The following CDH7 variants were observed in gnomAD, a reference collection of about 807,000 sequenced individuals.
The protein encoded by CDH7 is cadherin 7.
In CDH7, 25 loss-of-function variants were observed where a neutral mutation model predicts 71.8. The ratio of observed to expected loss-of-function variants is 0.35; its 90% CI spans 0.25 to 0.49. The LOEUF is 0.49. CDH7 is among the 20% of genes least tolerant of loss of function. CDH7 has a pLI of 0.99. For synonymous variants in CDH7, 381 were observed against 363.8 expected (o/e 1.05, Z -0.54); for missense variants, 862 against 974.6 (o/e 0.88, Z 1.54).
chr18:65,833,054 C>A (rs1372418212), intron 6 of CDH7, among the ~76,000 whole-genome samples: 1 of 152,176 alleles, frequency 6.6e-6, no homozygotes, highest in East Asian at 1.9e-4. Flanking sequence ...CTTTTAAAGG[C>A]TAATTTTGCT....
intron 6 of CDH7, among the ~76,000 whole-genome samples, chr18:65,828,511 G>C (rs1398816057): frequency 6.6e-6 from 1 of 152,022 alleles, no homozygotes; most frequent in Admixed American, 6.6e-5. Context: ...AGAAAAAATT[G>C]GTATGTATTA....
intron 6 of CDH7, among the ~76,000 whole-genome samples, chr18:65,842,837 A>G (rs1381985501): frequency 8.5e-6 from 1 of 117,032 alleles, no homozygotes; most frequent in East Asian, 2.6e-4. Flanking sequence ...TATATTTTTC[A>G]GTATTCCTGT....
intron 1 of CDH7, among the ~76,000 whole-genome samples, chr18:65,752,091 G>A (rs571851407): frequency 1.4e-4 from 22 of 152,198 alleles, no homozygotes; most frequent in Admixed American, 7.9e-4. Flanking sequence ...CTTTTGCTTT[G>A]CAATAAATAT....
intron 2 of CDH7, among the ~76,000 whole-genome samples, chr18:65,777,131 A>G (rs8093483): frequency 0.034 from 5,156 of 152,196 alleles, 289 homozygotes; most frequent in African/African-American, 0.12. Flanking sequence ...AAGATCAGAG[A>G]TGATTTTTCT....
chr18:65,759,526 ACAGG>A (rs1485057604), intron 1 of CDH7, among the ~76,000 whole-genome samples: 1 of 151,948 alleles, frequency 6.6e-6, no homozygotes, highest in Non-Finnish European at 1.5e-5. Context: ...TGCTGGGATT[ACAGG>A]CATGAGCCAC....
intron 2 of CDH7, among the ~76,000 whole-genome samples, chr18:65,776,361 AACACACACACAC>A (rs66695422): frequency 7.9e-5 from 11 of 139,726 alleles, no homozygotes; most frequent in South Asian, 2.4e-4. Flanking sequence ...GAAAGTACAG[AACACACACACAC>A]ACACACACAC....
At chr18:65,785,757 T>C (rs1320252133) in intron 2 of CDH7, among the ~76,000 whole-genome samples, 4 of 152,122 alleles carry the variant, frequency 2.6e-5, no homozygotes, top group Non-Finnish European at 4.4e-5. Context: ...TATTGCCAAA[T>C]AAAAAGCATG....
At chr18:65,820,484 G>A (rs2143932977) in intron 4 of CDH7, among the ~76,000 whole-genome samples, 1 of 152,206 alleles carries the variant, frequency 6.6e-6, no homozygotes. Context: ...GTATGAGAAT[G>A]CTTTTCCAAA....
At chr18:65,863,222 G>A in intron 11 of CDH7, 2 of 361,148 alleles carry the variant, frequency 5.5e-6, no homozygotes, top group Non-Finnish European at 1.0e-5. Flanking sequence ...ATCTTTAGTA[G>A]AGACTGAGTT....
chr18:65,847,250 T>C (rs754093837), intron 7 of CDH7, among the ~76,000 whole-genome samples: 2 of 152,174 alleles, frequency 1.3e-5, no homozygotes, highest in Non-Finnish European at 2.9e-5. Context: ...TTAACAATTG[T>C]GACCTTTGTG....
rs1046258537 is a variant in CDH7 at position 65,785,604 on chromosome 18, GA to G, written c.210+22561del. ...AACCTCTAAAATCTTTGAAAAAAAA[GA>G]AAAAAAAACTAAGTGACAAAACAAT... is the stretch of plus-strand genomic sequence containing the variant. On this transcript the variant is annotated intron_variant, in intron 2 of 11. Transcript: ENST00000397968. Among the ~76,000 whole-genome samples, 15 of 149,412 alleles carry G rather than the reference GA, an allele frequency of 1.0e-4. No individual in the cohort carries two copies. The South Asian group carries it at 2.1e-3, about 21-fold the overall frequency.
chr18:65,758,490 T>G (rs1033630286), intron 1 of CDH7, among the ~76,000 whole-genome samples: 5 of 152,192 alleles, frequency 3.3e-5, no homozygotes, highest in African/African-American at 1.2e-4. Context: ...CATCCTCACT[T>G]CAGATCACAA....
At chr18:65,794,348 A>G (rs1409957987) in intron 2 of CDH7, among the ~76,000 whole-genome samples, 6 of 152,120 alleles carry the variant, frequency 3.9e-5, no homozygotes, top group Non-Finnish European at 5.9e-5. Context: ...TCACATGACA[A>G]TGATGTAATA....
intron 6 of CDH7, among the ~76,000 whole-genome samples, chr18:65,838,215 C>T (rs1237981834): frequency 5.3e-5 from 8 of 151,964 alleles, no homozygotes; most frequent in East Asian, 3.9e-4. Context: ...CCACCATGCC[C>T]GACCTAACAT....
chr18:65,784,588 A>G (rs1018531231), intron 2 of CDH7, among the ~76,000 whole-genome samples: 1 of 152,166 alleles, frequency 6.6e-6, no homozygotes, highest in Non-Finnish European at 1.5e-5. Flanking sequence ...ATTAGGAGAA[A>G]AAGTCCTAGA....
rs555454734 is a variant in CDH7 at position 65,868,074 on chromosome 18, T to C, written c.1864+5157T>C. Among the ~76,000 whole-genome samples, 27 of 106,956 alleles carry C rather than the reference T, an allele frequency of 2.5e-4. 1 individual carries two copies. In the South Asian group the frequency reaches 8.2e-3, roughly 32 times the overall value. 70.2% of individuals were successfully genotyped at this position (106,956 alleles called of 152,430 possible). A position where few individuals can be genotyped will look rare whatever the true frequency, so the allele number is the denominator to read the frequency against. On this transcript the variant is annotated intron_variant, in intron 11 of 11. Coordinates refer to ENST00000397968, the MANE Select transcript of CDH7 (RefSeq NM_004361.5). The stretch of plus-strand genomic sequence containing the variant: ...CACTGAAGATTGTGGAGAAAAAAAG[T>C]GGCAGCACTATGTAAAAAAATGGAT...
At chr18:65,816,517 A>G (rs1423144416) in intron 4 of CDH7, among the ~76,000 whole-genome samples, 1 of 152,186 alleles carries the variant, frequency 6.6e-6, no homozygotes, top group Admixed American at 6.5e-5. Flanking sequence ...TAAAATTTTG[A>G]CAGGAAAAAT....
At chr18:65,806,157 A>AG (rs1327021599) in intron 2 of CDH7, among the ~76,000 whole-genome samples, 4 of 151,924 alleles carry the variant, frequency 2.6e-5, no homozygotes, top group Non-Finnish European at 5.9e-5. Context: ...GATATTTCTT[A>AG]CATATTAATA....
intron 2 of CDH7, among the ~76,000 whole-genome samples, chr18:65,785,019 G>T (rs1328105873): frequency 1.3e-5 from 2 of 152,066 alleles, no homozygotes; most frequent in Non-Finnish European, 2.9e-5. Flanking sequence ...TTCTTTTATG[G>T]TATCTGTGGC....
Sources: gnomAD v4.1 joint callset for allele counts (sites outside exome capture counted in the v4.1 genomes callset) on GRCh38, gnomAD v4.1.1 for gene constraint, MANE v1.5 for transcripts, NCBI Gene and HGNC (gene_info 2026-07-23, HGNC 2026-07-21) for gene names.